The following CACNA2D1 variants were observed in gnomAD, a reference collection of about 807,000 sequenced individuals.
CACNA2D1 encodes calcium voltage-gated channel auxiliary subunit alpha2delta 1.
In CACNA2D1, 53 loss-of-function variants were observed where a neutral mutation model predicts 171.5. The observed-to-expected ratio is 0.31, with a 90% CI of 0.25 to 0.39. CACNA2D1 has a LOEUF of 0.39. Ranked by LOEUF, CACNA2D1 falls within the 10% of genes least tolerant of loss-of-function variation. The pLI, the probability that CACNA2D1 is intolerant of heterozygous loss-of-function variation, is 1.00. For synonymous variants in CACNA2D1, 442 were observed against 443.1 expected (o/e 1.00, Z 0.03); for missense variants, 903 against 1,299.8 (o/e 0.69, Z 4.69).
At chr7:81,974,729 G>A (rs1484062859) in intron 24 of CACNA2D1, among the ~76,000 whole-genome samples, 177 bp from the exon 25 acceptor site, 3 of 151,726 alleles carry the variant, frequency 2.0e-5, no homozygotes, top group African/African-American at 7.3e-5. Context: ...ACCAGTAAGT[G>A]GTGATTATAG....
intron 6 of CACNA2D1, among the ~76,000 whole-genome samples, chr7:82,105,558 T>C (rs879117588): frequency 6.6e-5 from 10 of 151,810 alleles, no homozygotes; most frequent in African/African-American, 2.4e-4. Flanking sequence ...ATTTTGAGTA[T>C]AAATAATACT....
intron 1 of CACNA2D1, among the ~76,000 whole-genome samples, chr7:82,429,565 T>A (rs1050777555): frequency 6.6e-6 from 1 of 152,104 alleles, no homozygotes; most frequent in East Asian, 1.9e-4. Context: ...TCTGTCACAG[T>A]CATGTACAGC....
At chr7:82,317,415 C>CT (rs1337476061) in intron 3 of CACNA2D1, among the ~76,000 whole-genome samples, 1 of 152,170 alleles carries the variant, frequency 6.6e-6, no homozygotes, top group Non-Finnish European at 1.5e-5. Context: ...ACAGAGACTG[C>CT]TTTTAAGTCT....
chr7:82,441,140 T>G, intron 1 of CACNA2D1, among the ~76,000 whole-genome samples: 1 of 152,046 alleles, frequency 6.6e-6, no homozygotes, highest in Non-Finnish European at 1.5e-5. Flanking sequence ...ATGAATTCTT[T>G]TCTCGAAAGA....
At chr7:82,021,445 A>C (rs563646357) in intron 12 of CACNA2D1, among the ~76,000 whole-genome samples, 1 of 152,230 alleles carries the variant, frequency 6.6e-6, no homozygotes, top group South Asian at 2.1e-4. Context: ...TAGGAAAATA[A>C]TGTTGTTTTT....
At chr7:82,038,535 T>C (rs1003063735) in intron 10 of CACNA2D1, among the ~76,000 whole-genome samples, 2 of 152,136 alleles carry the variant, frequency 1.3e-5, no homozygotes, top group African/African-American at 4.8e-5. Flanking sequence ...AATGAGCATG[T>C]AGAAAAAATA....
At chr7:81,956,933 A>G (rs1793450595) in intron 38 of CACNA2D1, among the ~76,000 whole-genome samples, 1 of 152,174 alleles carries the variant, frequency 6.6e-6, no homozygotes, top group African/African-American at 2.4e-5. Context: ...TAAAAGGTTA[A>G]TTAATAATTT....
At chr7:82,260,153 C>T (rs1261754451) in intron 3 of CACNA2D1, among the ~76,000 whole-genome samples, 2 of 151,962 alleles carry the variant, frequency 1.3e-5, no homozygotes, top group Non-Finnish European at 2.9e-5. Context: ...ACCCAGGAGG[C>T]AGAGGTTTCA....
intron 3 of CACNA2D1, among the ~76,000 whole-genome samples, chr7:82,180,779 G>T (rs2237516): frequency 1.3e-5 from 2 of 151,824 alleles, no homozygotes; most frequent in Admixed American, 1.3e-4. Flanking sequence ...CAGGAGGCCA[G>T]TGGGAAGTCT....
chr7:82,019,202 C>A (rs1476654627), intron 12 of CACNA2D1, among the ~76,000 whole-genome samples: 1 of 151,856 alleles, frequency 6.6e-6, no homozygotes, highest in African/African-American at 2.4e-5. Flanking sequence ...CACCTGTAAT[C>A]CCAGGTACTT....
intron 5 of CACNA2D1, among the ~76,000 whole-genome samples, chr7:82,133,907 C>A (rs981814372): frequency 6.6e-6 from 1 of 151,916 alleles, no homozygotes; most frequent in Non-Finnish European, 1.5e-5. Context: ...CCCTTCTCTA[C>A]TAAAAAATAC....
chr7:82,307,780 G>C (rs527825711), intron 3 of CACNA2D1, among the ~76,000 whole-genome samples: 2 of 152,080 alleles, frequency 1.3e-5, no homozygotes, highest in East Asian at 3.9e-4. Flanking sequence ...AGACTTACTG[G>C]TTTTGATTCT....
chr7:82,116,755 G>A (rs1161130092), intron 6 of CACNA2D1, among the ~76,000 whole-genome samples: 1 of 152,176 alleles, frequency 6.6e-6, no homozygotes, highest in African/African-American at 2.4e-5. Flanking sequence ...TACTTTGTAA[G>A]TTATGGGTGG....
At chr7:81,991,892 C>T (rs1303103063) in intron 20 of CACNA2D1, among the ~76,000 whole-genome samples, 2 of 150,660 alleles carry the variant, frequency 1.3e-5, no homozygotes, top group African/African-American at 2.4e-5. Flanking sequence ...TGGAGTGCAG[C>T]GGTGTGATCT....
At chr7:82,062,830 T>C (rs1205432661) in intron 9 of CACNA2D1, among the ~76,000 whole-genome samples, 2 of 138,992 alleles carry the variant, frequency 1.4e-5, no homozygotes, top group East Asian at 2.4e-4. Flanking sequence ...AGCCCCCATC[T>C]CCTGGCCTCA....
At chr7:82,440,876 A>G (rs748749282) in intron 1 of CACNA2D1, among the ~76,000 whole-genome samples, 1 of 151,816 alleles carries the variant, frequency 6.6e-6, no homozygotes, top group African/African-American at 2.4e-5. Flanking sequence ...CAATTAGTGC[A>G]TAATTAATTT....
At chr7:82,198,593 C>G (rs1357988506) in intron 3 of CACNA2D1, among the ~76,000 whole-genome samples, 1 of 151,778 alleles carries the variant, frequency 6.6e-6, no homozygotes, top group Non-Finnish European at 1.5e-5. Context: ...AGGTTGCTAT[C>G]TAACTTGGTT....
chr7:82,153,846 A>AT (rs1794092438), intron 4 of CACNA2D1, among the ~76,000 whole-genome samples: 1 of 80,684 alleles, frequency 1.2e-5, no homozygotes, highest in African/African-American at 3.5e-5. Flanking sequence ...AGCAAACTAT[A>AT]AAAAAAAAAC....
chr7:82,138,689 G>A (rs547684118), intron 4 of CACNA2D1, among the ~76,000 whole-genome samples: 5 of 151,594 alleles, frequency 3.3e-5, no homozygotes, highest in African/African-American at 7.3e-5. Context: ...CTCGTGATCC[G>A]CCCGCCTCAG....
Sources: gnomAD v4.1 joint callset for allele counts (sites outside exome capture counted in the v4.1 genomes callset) on GRCh38, gnomAD v4.1.1 for gene constraint, MANE v1.5 for transcripts, NCBI Gene and HGNC (gene_info 2026-07-23, HGNC 2026-07-21) for gene names.